ZNF536: variants seen among roughly 807,000 people sequenced by gnomAD.
The protein encoded by ZNF536 is zinc finger protein 536.
Under a neutral mutation model 84.5 loss-of-function variants are expected in ZNF536, and 13 were observed. The observed-to-expected ratio is 0.15, with a 90% CI of 0.10 to 0.24. The LOEUF is 0.24. ZNF536 is among the 10% of genes least tolerant of loss of function. The probability of loss-of-function intolerance (pLI) is 1.00; values close to 1 mark genes in which losing one functional copy is unlikely to be tolerated. For synonymous variants in ZNF536, 811 were observed against 742.5 expected, an observed-to-expected ratio of 1.09 and a Z score of -1.50; for missense variants, 1,536 against 1,747.5, an observed-to-expected ratio of 0.88 and a Z score of 2.16.
intron 1 of ZNF536, among the ~76,000 whole-genome samples, chr19:30,678,549 G>A (rs2050840916): frequency 6.6e-6 from 1 of 152,144 alleles, no homozygotes; most frequent in South Asian, 2.1e-4. Context: ...TCTGCTCACA[G>A]CATCTTGACA....
chr19:30,580,330 C>A (rs1040654690), intron 1 of ZNF536, among the ~76,000 whole-genome samples: 1 of 152,206 alleles, frequency 6.6e-6, no homozygotes, highest in Non-Finnish European at 1.5e-5. Context: ...GGTCTTGCAG[C>A]GAGTTTCTCA....
At chr19:30,462,647 A>G (rs1367139493) in intron 2 of ZNF536, among the ~76,000 whole-genome samples, 2 of 151,802 alleles carry the variant, frequency 1.3e-5, no homozygotes, top group Non-Finnish European at 2.9e-5. Flanking sequence ...TGGGTGTGCA[A>G]TTATGTTGCT....
chr19:30,449,368 T>C (rs2052494073), intron 2 of ZNF536, among the ~76,000 whole-genome samples: 1 of 152,224 alleles, frequency 6.6e-6, no homozygotes, highest in Non-Finnish European at 1.5e-5. Flanking sequence ...AACACTCTTA[T>C]GGCATTAATC....
intron 1 of ZNF536, among the ~76,000 whole-genome samples, chr19:30,282,608 G>A (rs1600061364): frequency 6.6e-6 from 1 of 152,086 alleles, no homozygotes; most frequent in East Asian, 1.9e-4. Context: ...CCCATCTCCT[G>A]CAACCCCCTC....
intron 1 of ZNF536, among the ~76,000 whole-genome samples, chr19:30,280,579 T>G (rs565473629): frequency 6.6e-6 from 1 of 152,290 alleles, no homozygotes; most frequent in African/African-American, 2.4e-5. Flanking sequence ...TGTCATGGTG[T>G]GGGGTGGAGA....
At chr19:30,235,534 A>G (rs569108718) in intron 1 of ZNF536, among the ~76,000 whole-genome samples, 15 of 152,370 alleles carry the variant, frequency 9.8e-5, no homozygotes, top group African/African-American at 3.6e-4. Flanking sequence ...CAAACAGATC[A>G]CAGCCCACAT....
chr19:30,617,357 T>TTTTTTTTTTTTTTTTTTTTTTTTTTG (rs2048335831), intron 1 of ZNF536, among the ~76,000 whole-genome samples: 1 of 99,714 alleles, frequency 1.0e-5, no homozygotes. Flanking sequence ...TTTTTTTTTT[T>TTTTTTTTTTTTTTTTTTTTTTTTTTG]TTTTTTTTTA....
chr19:30,466,737 GA>G (rs2053420800), intron 2 of ZNF536, among the ~76,000 whole-genome samples: 2 of 127,786 alleles, frequency 1.6e-5, no homozygotes, highest in Non-Finnish European at 3.2e-5. Flanking sequence ...AGGAGGGAGG[GA>G]GGGAAGGAAG....
intron 1 of ZNF536, among the ~76,000 whole-genome samples, chr19:30,415,148 T>TC (rs2050659850): frequency 7.7e-6 from 1 of 130,264 alleles, no homozygotes; most frequent in African/African-American, 3.0e-5. Context: ...TTCCTTCTTC[T>TC]CCTCCCCCTC....
At chr19:30,464,786 G>A (rs910211192) in intron 2 of ZNF536, among the ~76,000 whole-genome samples, 2 of 152,038 alleles carry the variant, frequency 1.3e-5, no homozygotes, top group African/African-American at 4.8e-5. Context: ...TGCCCAGGAG[G>A]GAGAGGGCAA....
intron 1 of ZNF536, among the ~76,000 whole-genome samples, chr19:30,664,207 TCTCTCTCTCTCTCTC>T (rs2050227375): frequency 2.1e-3 from 10 of 4,748 alleles, no homozygotes; most frequent in African/African-American, 7.0e-3. Flanking sequence ...CTGAGTTTTC[TCTCTCTCTCTCTCTC>T]TCTCTCTCTC....
At chr19:30,568,707 A>G (rs2146520841) in intron 1 of ZNF536, among the ~76,000 whole-genome samples, 1 of 152,338 alleles carries the variant, frequency 6.6e-6, no homozygotes, top group East Asian at 1.9e-4. Context: ...GACACTGGCA[A>G]TGCCCAGCCA....
intron 2 of ZNF536, among the ~76,000 whole-genome samples, chr19:30,460,698 C>G (rs539824183): frequency 3.3e-5 from 5 of 152,246 alleles, no homozygotes; most frequent in African/African-American, 1.2e-4. Flanking sequence ...TGTCCCTCAT[C>G]ATGTTAGTGG....
At chr19:30,589,500 A>G (rs2047206175) in intron 1 of ZNF536, among the ~76,000 whole-genome samples, 1 of 152,204 alleles carries the variant, frequency 6.6e-6, no homozygotes, top group Non-Finnish European at 1.5e-5. Context: ...GTTGCTGTTG[A>G]AACCGATTAC....
At chr19:30,612,932 C>T (rs1388000803) in intron 1 of ZNF536, among the ~76,000 whole-genome samples, 1 of 152,216 alleles carries the variant, frequency 6.6e-6, no homozygotes, top group African/African-American at 2.4e-5. Context: ...AGCTCCTTAG[C>T]CTCCTCCAAC....
chr19:30,563,797 G>A (rs564682134), intron 1 of ZNF536, among the ~76,000 whole-genome samples: 56 of 152,308 alleles, frequency 3.7e-4, no homozygotes, highest in African/African-American at 1.3e-3. Flanking sequence ...GGTGCTGGGC[G>A]TGACGGATGC....
chr19:30,514,687 C>G (rs956865917), intron 2 of ZNF536, among the ~76,000 whole-genome samples: 44 of 152,032 alleles, frequency 2.9e-4, no homozygotes, highest in African/African-American at 1.0e-3. Flanking sequence ...ATACCTGCCC[C>G]TCCAGGCTGT....
intron 1 of ZNF536, among the ~76,000 whole-genome samples, chr19:30,642,030 G>C (rs2049284237): frequency 6.6e-6 from 1 of 152,198 alleles, no homozygotes; most frequent in African/African-American, 2.4e-5. Context: ...AAGTTTGCGG[G>C]ACCACCTCCC....
At chr19:30,414,726 A>T (rs545098157) in intron 1 of ZNF536, among the ~76,000 whole-genome samples, 11 of 152,320 alleles carry the variant, frequency 7.2e-5, no homozygotes, top group Non-Finnish European at 1.2e-4. Context: ...ACTACCCATT[A>T]TTTGAACTTA....
Sources: allele counts gnomAD v4.1 joint callset (sites outside exome capture counted in the v4.1 genomes callset), GRCh38; gene constraint gnomAD v4.1.1; transcripts MANE v1.5; gene names NCBI Gene and HGNC (gene_info 2026-07-23, HGNC 2026-07-21).